DRC8: variants seen among roughly 807,000 people sequenced by gnomAD.
The protein encoded by DRC8 is dynein regulatory complex protein 8.
At chr1:245,035,635 G>A in the DRC8 span, among the ~76,000 whole-genome samples, 1 of 151,684 alleles carries the variant, frequency 6.6e-6, no homozygotes, top group Admixed American at 6.6e-5. Flanking sequence ...GGGAGGCCAA[G>A]GCAGGCAGAT....
chr1:244,983,918 C>T, the DRC8 span, among the ~76,000 whole-genome samples: 60 of 150,480 alleles, frequency 4.0e-4, no homozygotes, highest in Non-Finnish European at 7.1e-4. Context: ...TTTTTTTGAC[C>T]CAGCTTTGAT....
the DRC8 span, among the ~76,000 whole-genome samples, chr1:245,049,612 T>A: frequency 5.3e-3 from 808 of 152,140 alleles, 4 homozygotes; most frequent in African/African-American, 0.018. This position sits in a 1 kb window ranked among gnomAD's most constrained non-coding sequence, Gnocchi z 4.5. Flanking sequence ...GAAAAAATCA[T>A]CAACAACAAC....
At chr1:245,103,080 G>C in the DRC8 span, among the ~76,000 whole-genome samples, 2 of 137,438 alleles carry the variant, frequency 1.5e-5, no homozygotes, top group Non-Finnish European at 3.1e-5. Context: ...TGACGAGGAT[G>C]AGAGGTGGTC....
chr1:245,083,253 A>C, the DRC8 span, among the ~76,000 whole-genome samples: 1 of 152,142 alleles, frequency 6.6e-6, no homozygotes, highest in African/African-American at 2.4e-5. Flanking sequence ...CCTTATGAGA[A>C]TCTAATGCCT....
the DRC8 span, among the ~76,000 whole-genome samples, chr1:245,065,523 T>G: frequency 6.6e-6 from 1 of 152,236 alleles, no homozygotes; most frequent in African/African-American, 2.4e-5. Context: ...TAGCATCCTG[T>G]TCTTGTTTCA....
chr1:245,002,050 C>T, the DRC8 span: 2 of 1,233,746 alleles, frequency 1.6e-6, no homozygotes, highest in South Asian at 1.3e-5. Context: ...TTTATTTTTT[C>T]ATCACGTAAT....
the DRC8 span, among the ~76,000 whole-genome samples, chr1:245,116,930 T>C: frequency 1.3e-5 from 2 of 152,248 alleles, 1 homozygote; most frequent in African/African-American, 4.8e-5. Context: ...GAAATATCAA[T>C]GTAAAAGCCT....
At chr1:245,099,108 T>C in the DRC8 span, among the ~76,000 whole-genome samples, 4 of 152,284 alleles carry the variant, frequency 2.6e-5, no homozygotes, top group African/African-American at 9.6e-5. Flanking sequence ...TGGGGGTTTA[T>C]GTGGTGCCTC....
At chr1:245,043,320 C>T in the DRC8 span, among the ~76,000 whole-genome samples, 1 of 151,968 alleles carries the variant, frequency 6.6e-6, no homozygotes, top group Admixed American at 6.6e-5. Context: ...GTAATCCCAG[C>T]TACTTGGGAG....
chr1:245,003,361 C>T, the DRC8 span, among the ~76,000 whole-genome samples: 3 of 152,252 alleles, frequency 2.0e-5, no homozygotes, highest in Admixed American at 6.5e-5. Flanking sequence ...TGAGGAACTA[C>T]GATACTGGTT....
the DRC8 span, among the ~76,000 whole-genome samples, chr1:245,111,788 C>A: frequency 6.6e-6 from 1 of 152,132 alleles, no homozygotes; most frequent in African/African-American, 2.4e-5. Context: ...GTAATCCCAG[C>A]ATTTTGGGAG....
the DRC8 span, among the ~76,000 whole-genome samples, chr1:245,042,759 A>G: frequency 0.018 from 2,805 of 152,228 alleles, 75 homozygotes; most frequent in African/African-American, 0.064. Flanking sequence ...AATTGTGTGA[A>G]ATATTCTGAA....
the DRC8 span, among the ~76,000 whole-genome samples, chr1:245,020,277 C>G: frequency 0.74 from 112,255 of 152,148 alleles, 41,565 homozygotes; most frequent in East Asian, 0.89. Context: ...GTCTGGTATT[C>G]CAAATGCTGG....
At chr1:245,011,942 G>C in the DRC8 span, among the ~76,000 whole-genome samples, 21 of 152,138 alleles carry the variant, frequency 1.4e-4, no homozygotes, top group Non-Finnish European at 1.5e-5. Context: ...CTGGCTGGGC[G>C]CAGTGGCTCA....
chr1:245,041,066 A>T, the DRC8 span, among the ~76,000 whole-genome samples: 1 of 152,184 alleles, frequency 6.6e-6, no homozygotes, highest in Non-Finnish European at 1.5e-5. Context: ...TTTAGGTGGG[A>T]TGGAATAGTT....
At chr1:245,068,507 T>C in the DRC8 span, among the ~76,000 whole-genome samples, 3 of 152,118 alleles carry the variant, frequency 2.0e-5, no homozygotes, top group African/African-American at 7.2e-5. Context: ...TATGGCAAGA[T>C]CATAGCTCAC....
chr1:245,014,052 CAAAAA>C, the DRC8 span, among the ~76,000 whole-genome samples: 1 of 111,122 alleles, frequency 9.0e-6, no homozygotes, highest in African/African-American at 3.3e-5. Flanking sequence ...AAAAAAAAGA[CAAAAA>C]AAAAGAAAAA....
At chr1:245,072,419 G>T in the DRC8 span, among the ~76,000 whole-genome samples, 9 of 152,068 alleles carry the variant, frequency 5.9e-5, no homozygotes, top group Non-Finnish European at 1.0e-4. Context: ...AAAAATTTTT[G>T]TAGAGATGAG....
At chr1:244,999,089 AAAG>A in the DRC8 span, among the ~76,000 whole-genome samples, 2 of 148,778 alleles carry the variant, frequency 1.3e-5, no homozygotes, top group African/African-American at 4.9e-5. Context: ...AAAAGAAAGA[AAAG>A]GAGAGGAAGG....
Sources: allele counts gnomAD v4.1 joint callset (sites outside exome capture counted in the v4.1 genomes callset), GRCh38; gene constraint gnomAD v4.1.1; non-coding constraint Gnocchi (gnomAD v3.1); transcripts MANE v1.5; gene names NCBI Gene and HGNC (gene_info 2026-07-23, HGNC 2026-07-21).